The following SYNE3 variants were observed in gnomAD, a reference collection of about 807,000 sequenced individuals.
The protein encoded by SYNE3 is nesprin-3.
Under a neutral mutation model 111.2 loss-of-function variants are expected in SYNE3, and 100 were observed. That is an observed-to-expected ratio of 0.90 (90% CI 0.77 to 1.06). The LOEUF (loss-of-function observed/expected upper bound fraction) is 1.06. SYNE3 is among the 50% of genes least tolerant of loss of function. SYNE3 has a pLI of 0.00. For synonymous variants in SYNE3, 547 were observed against 533.9 expected (o/e 1.02, Z -0.34); for missense variants, 1,160 against 1,240.3 (o/e 0.94, Z 0.97).
chr14:95,426,976 A>G (rs928046735), intron 17 of SYNE3, among the ~76,000 whole-genome samples: 1 of 150,920 alleles, frequency 6.6e-6, no homozygotes, highest in African/African-American at 2.4e-5. Context: ...TAGTTATACT[A>G]GATATAGATC....
intron 16 of SYNE3, among the ~76,000 whole-genome samples, chr14:95,432,649 T>TA (rs1461479336): frequency 4.2e-4 from 61 of 146,976 alleles, no homozygotes; most frequent in African/African-American, 1.5e-3. Flanking sequence ...TTATTATTAT[T>TA]ATTATTATTA....
intron 1 of SYNE3, among the ~76,000 whole-genome samples, chr14:95,492,447 G>C (rs1232910466): frequency 6.6e-6 from 1 of 152,224 alleles, no homozygotes; most frequent in Non-Finnish European, 1.5e-5. Flanking sequence ...AGAATGAAGT[G>C]CTGACATATG....
At chr14:95,481,053 G>A (rs897934807) in intron 1 of SYNE3, among the ~76,000 whole-genome samples, 1 of 152,324 alleles carries the variant, frequency 6.6e-6, no homozygotes, top group South Asian at 2.1e-4. Flanking sequence ...GGGCTGACTG[G>A]GGCAGGTGTG....
intron 1 of SYNE3, among the ~76,000 whole-genome samples, chr14:95,503,793 A>G (rs1164755569): frequency 2.0e-5 from 3 of 151,598 alleles, no homozygotes; most frequent in Admixed American, 6.6e-5. Context: ...TAATTTTCAT[A>G]TATTTTTTGT....
At chr14:95,467,412 G>A (rs570718314) in intron 3 of SYNE3, among the ~76,000 whole-genome samples, 5 of 152,222 alleles carry the variant, frequency 3.3e-5, no homozygotes, top group African/African-American at 4.8e-5. Context: ...AGGTCTGTCC[G>A]AGTGTTTGCT....
chr14:95,473,939 T>G (rs891868853), intron 2 of SYNE3, among the ~76,000 whole-genome samples: 5 of 149,532 alleles, frequency 3.3e-5, no homozygotes, highest in Non-Finnish European at 1.5e-5. Flanking sequence ...TGGCTGGAGC[T>G]AAGGCCAGTG....
In SYNE3 at chr14:95,466,006, G is replaced by A. The variant is rs758570989; in HGVS notation, c.552C>T (p.Ile184=). ...LEEAASLFNR[I]GDPSVDEDAQ... is the part of the protein sequence containing the mutation. ...CATCTTCGTCCACGCTGGGGTCCCC[G>A]ATCCTGTTGAACAGGGAGGCTGCCT... Residue 184 remains isoleucine (I), a synonymous_variant, in exon 4 of 18, where the codon ATC becomes ATT. Coordinates refer to ENST00000682763, the MANE Select transcript of SYNE3 (RefSeq NM_152592.6). 2.2e-5 allele frequency: 36 copies of A among 1,610,592 alleles called. No homozygotes were observed. Among genetic ancestry groups the A allele is most frequent in the Admixed American group, 3.3e-5 (2 of 59,936 alleles).
At chr14:95,426,453 G>A (rs74078437) in intron 17 of SYNE3, among the ~76,000 whole-genome samples, 6 of 152,218 alleles carry the variant, frequency 3.9e-5, no homozygotes, top group East Asian at 3.9e-4. Context: ...CCCATCCCAC[G>A]TGAGAGAGAA....
At chr14:95,437,119 G>A (rs921244093) in intron 14 of SYNE3, 138 bp from the exon 15 acceptor site, 25 of 924,998 alleles carry the variant, frequency 2.7e-5, no homozygotes, top group Non-Finnish European at 3.9e-5. Context: ...CCTGGGGGAT[G>A]AACAATGAAT....
intron 1 of SYNE3, among the ~76,000 whole-genome samples, chr14:95,508,825 C>T (rs539556943): frequency 2.0e-5 from 3 of 152,326 alleles, no homozygotes; most frequent in Admixed American, 6.5e-5. Flanking sequence ...TGAAGGGGGC[C>T]GCAGAGGGAG....
chr14:95,427,914 G>A lies in SYNE3; in HGVS notation c.2727+4165C>T, dbSNP rs555217679. The stretch of plus-strand genomic sequence containing the variant: ...TGTTCCCTACAAATTTTGAGAGAAA[G>A]TTATGATCTAACATGGAATACTCAC... On this transcript the variant is annotated intron_variant, in intron 17 of 17. Coordinates refer to ENST00000682763, the MANE Select transcript of SYNE3 (RefSeq NM_152592.6). Among the ~76,000 whole-genome samples the A allele has an allele frequency of 1.1e-4, 16 of 152,322 alleles. No homozygotes were observed. In the East Asian group the frequency reaches 1.9e-3, roughly 18 times the overall value.
intron 17 of SYNE3, among the ~76,000 whole-genome samples, chr14:95,427,408 G>A (rs58298042): frequency 6.6e-6 from 1 of 152,274 alleles, no homozygotes; most frequent in East Asian, 1.9e-4. Flanking sequence ...TTATCCGGAG[G>A]CCTAACCGTC....
chr14:95,476,047 G>T (rs755886840), intron 1 of SYNE3, among the ~76,000 whole-genome samples: 22 of 152,256 alleles, frequency 1.4e-4, no homozygotes, highest in Non-Finnish European at 2.6e-4. Flanking sequence ...AACTGGCCTA[G>T]GGCTCTGGCC....
chr14:95,446,100 G>A lies in SYNE3; in HGVS notation c.1450-9C>T. 1 of 1,613,710 alleles carries A rather than the reference G, an allele frequency of 6.2e-7. No individual in the cohort carries two copies. The highest frequency in any genetic ancestry group is 1.7e-5 in the Admixed American group (1 of 60,026). ...CTTTCCATCAGGGCTGCCTGTGGGAGACAAGGCTTCCGTGAACCACAGACC... is the reference window on the plus strand; with the variant it reads ...CTTTCCATCAGGGCTGCCTGTGGGAAACAAGGCTTCCGTGAACCACAGACC... On this transcript the variant is annotated splice_polypyrimidine_tract_variant and intron_variant, in intron 8 of 17. Coordinates refer to ENST00000682763, the MANE Select transcript of SYNE3 (RefSeq NM_152592.6).
At chr14:95,472,311 A>T (rs1888576720) in intron 2 of SYNE3, among the ~76,000 whole-genome samples, 1 of 152,212 alleles carries the variant, frequency 6.6e-6, no homozygotes, top group Admixed American at 6.5e-5. Flanking sequence ...ACCCAGATAC[A>T]GGACAAGGGA....
chr14:95,497,463 A>G (rs947891073), intron 1 of SYNE3, among the ~76,000 whole-genome samples: 1 of 152,132 alleles, frequency 6.6e-6, no homozygotes, highest in Non-Finnish European at 1.5e-5. Flanking sequence ...AGAAAAAAAA[A>G]GATGCAATAT....
intron 17 of SYNE3, among the ~76,000 whole-genome samples, chr14:95,425,603 A>G (rs1885386944): frequency 6.6e-6 from 1 of 152,216 alleles, no homozygotes; most frequent in Non-Finnish European, 1.5e-5. Context: ...GGACTGAGTT[A>G]ATAACAATGT....
intron 14 of SYNE3, chr14:95,438,592 G>T (rs184658840): frequency 3.4e-4 from 58 of 169,596 alleles, no homozygotes; most frequent in Non-Finnish European, 1.3e-5. Context: ...GAATAACAAG[G>T]AATAACTTTC....
In SYNE3 at chr14:95,407,797, A is replaced by C. The variant is rs1368525469; in HGVS notation, c.*10029T>G. 1 of 152,082 alleles carries C rather than the reference A, an allele frequency of 6.6e-6. No individual in the cohort carries two copies. The highest frequency in any genetic ancestry group is 1.5e-5 in the Non-Finnish European group (1 of 68,102). The allele number at this position is 152,082 out of a possible 1,614,324, so 9.4% of individuals were successfully genotyped here. A position where few individuals can be genotyped will look rare whatever the true frequency, so the allele number is the denominator to read the frequency against. Reference sequence around the variant, plus strand: ...CACAGACACACACACACACACACACACACCCCATGCCATTGCTTGGTCCAC... The same window carrying C: ...CACAGACACACACACACACACACACCCACCCCATGCCATTGCTTGGTCCAC... On this transcript the variant is annotated 3_prime_UTR_variant, in exon 18 of 18. Coordinates refer to ENST00000682763, the MANE Select transcript of SYNE3 (RefSeq NM_152592.6).
Sources: allele counts gnomAD v4.1 joint callset (sites outside exome capture counted in the v4.1 genomes callset), GRCh38; gene constraint gnomAD v4.1.1; transcripts MANE v1.5; gene names NCBI Gene and HGNC (gene_info 2026-07-23, HGNC 2026-07-21).